The following HMGA2 variants were observed in gnomAD, a reference collection of about 807,000 sequenced individuals.
HMGA2 encodes the protein high mobility group protein HMGI-C.
A neutral mutation model predicts 19.1 loss-of-function variants in HMGA2; 8 were observed. That is an observed-to-expected ratio of 0.42 (90% CI 0.25 to 0.76). HMGA2 has a LOEUF of 0.76. Among genes scored for constraint, HMGA2 ranks in the 30% least tolerant of loss-of-function variants. The pLI, the probability that HMGA2 is intolerant of heterozygous loss-of-function variation, is 0.28. For missense variants in HMGA2, 109 were observed against 136.3 expected, an observed-to-expected ratio of 0.80 and a Z score of 1.00; for synonymous variants, 60 against 48.8, an observed-to-expected ratio of 1.23 and a Z score of -0.96.
At chr12:65,875,758 G>T (rs1328057799) in intron 3 of HMGA2, among the ~76,000 whole-genome samples, 1 of 151,746 alleles carries the variant, frequency 6.6e-6, no homozygotes, top group African/African-American at 2.4e-5. Flanking sequence ...GCCTTGTCTG[G>T]TTTTTTAATA....
At chr12:65,927,949 GTATA>G (rs10581504) in intron 3 of HMGA2, among the ~76,000 whole-genome samples, 26,868 of 146,326 alleles carry the variant, frequency 0.18, 3,911 homozygotes, top group East Asian at 0.75. Flanking sequence ...ATGTATGTGA[GTATA>G]TATATATATA....
At chr12:65,892,110 A>G (rs1873936081) in intron 3 of HMGA2, among the ~76,000 whole-genome samples, 1 of 152,178 alleles carries the variant, frequency 6.6e-6, no homozygotes, top group Non-Finnish European at 1.5e-5. Context: ...TGGCTGGAGG[A>G]CAGAGGCTGC....
At chr12:65,945,859 G>T (rs1201611341) in intron 3 of HMGA2, among the ~76,000 whole-genome samples, 5 of 152,136 alleles carry the variant, frequency 3.3e-5, no homozygotes, top group African/African-American at 9.7e-5. Flanking sequence ...TTGTCTATAT[G>T]GTAGGGATAT....
At chr12:65,923,967 G>GA (rs1235245395) in intron 3 of HMGA2, among the ~76,000 whole-genome samples, 2 of 152,114 alleles carry the variant, frequency 1.3e-5, no homozygotes, top group Non-Finnish European at 2.9e-5. Flanking sequence ...CCAAGAGCAC[G>GA]CCATTGCACT....
At chr12:65,914,935 A>G in intron 3 of HMGA2, 1 of 1,383,890 alleles carries the variant, frequency 7.2e-7, no homozygotes, top group Non-Finnish European at 1.0e-6. Context: ...TTGGCCTCTC[A>G]AAGTGCTGGG....
chr12:65,897,964 CAA>C (rs200954951), intron 3 of HMGA2, among the ~76,000 whole-genome samples: 25 of 111,880 alleles, frequency 2.2e-4, no homozygotes, highest in Admixed American at 1.9e-4. Flanking sequence ...AACTCCATCT[CAA>C]AAAAAAAAAA....
chr12:65,901,814 T>G (rs955737933), intron 3 of HMGA2, among the ~76,000 whole-genome samples: 1 of 152,068 alleles, frequency 6.6e-6, no homozygotes, highest in Non-Finnish European at 1.5e-5. Flanking sequence ...AATTTTCTGT[T>G]GAGTCCTATT....
chr12:65,899,585 T>C (rs1315654480), intron 3 of HMGA2, among the ~76,000 whole-genome samples: 1 of 152,212 alleles, frequency 6.6e-6, no homozygotes, highest in Non-Finnish European at 1.5e-5. Context: ...GGAAAGGAAC[T>C]GGAAACGTTC....
At chr12:65,940,548 T>C (rs1327482393) in intron 3 of HMGA2, among the ~76,000 whole-genome samples, 1 of 152,254 alleles carries the variant, frequency 6.6e-6, no homozygotes, top group African/African-American at 2.4e-5. Context: ...ATTTTTATTA[T>C]GTTTTTAAAA....
intron 3 of HMGA2, chr12:65,881,782 G>C (rs892788473): frequency 2.8e-6 from 2 of 703,072 alleles, no homozygotes; most frequent in Non-Finnish European, 5.2e-6. Flanking sequence ...AAGGAAGCCT[G>C]CTGATCCCGG....
At chr12:65,891,630 G>A (rs566959559) in intron 3 of HMGA2, among the ~76,000 whole-genome samples, 1 of 152,304 alleles carries the variant, frequency 6.6e-6, no homozygotes, top group East Asian at 1.9e-4. Flanking sequence ...TGCCCAAGAT[G>A]GGAGAAGAGC....
intron 3 of HMGA2, among the ~76,000 whole-genome samples, chr12:65,895,647 C>A (rs905605604): frequency 6.6e-6 from 1 of 152,174 alleles, no homozygotes; most frequent in Non-Finnish European, 1.5e-5. Flanking sequence ...TTTCAGCAAA[C>A]AAATACCTCC....
intron 3 of HMGA2, among the ~76,000 whole-genome samples, chr12:65,918,459 T>C (rs1349770818): frequency 6.6e-6 from 1 of 152,246 alleles, no homozygotes; most frequent in Non-Finnish European, 1.5e-5. Flanking sequence ...GAAATAGTTC[T>C]ACAGTTAATC....
intron 3 of HMGA2, among the ~76,000 whole-genome samples, chr12:65,902,228 C>A (rs574725969): frequency 6.6e-6 from 1 of 151,860 alleles, no homozygotes; most frequent in African/African-American, 2.4e-5. Context: ...AGAGAACTGA[C>A]GTGAATTTGT....
chr12:65,866,838 C>A (rs777985473), intron 3 of HMGA2: 1 of 457,296 alleles, frequency 2.2e-6, no homozygotes, highest in African/African-American at 2.0e-5. Flanking sequence ...AGATTGCTTG[C>A]CATTGCCCTC....
At position 65,920,643 on chromosome 12, in the gene HMGA2, G is replaced by A. The variant is rs1485932057; in HGVS notation, c.250-30740G>A. Among the ~76,000 whole-genome samples the A allele has an allele frequency of 3.9e-5, 6 of 152,110 alleles. No homozygotes were observed. The East Asian group carries it at 1.2e-3, about 29-fold the overall frequency. ...TCACAAGATCTGATGGGTTTATCAG[G>A]GGTTTCCACTTTTGCTTCTTCCTCA... On this transcript the variant is annotated intron_variant, in intron 3 of 4. Coordinates refer to ENST00000403681, the MANE Select transcript of HMGA2 (RefSeq NM_003483.6).
intron 3 of HMGA2, among the ~76,000 whole-genome samples, chr12:65,865,788 C>A (rs1199621906): frequency 6.6e-6 from 1 of 151,700 alleles, no homozygotes; most frequent in Non-Finnish European, 1.5e-5. Flanking sequence ...GCACCTGCCA[C>A]CACGCCCGGC....
chr12:65,909,379 T>C (rs1272978239), intron 3 of HMGA2, among the ~76,000 whole-genome samples: 2 of 152,218 alleles, frequency 1.3e-5, no homozygotes, highest in African/African-American at 4.8e-5. Flanking sequence ...TTCTTTTTTT[T>C]TTAATCTCTG....
chr12:65,930,124 C>T (rs934693538), intron 3 of HMGA2, among the ~76,000 whole-genome samples: 1 of 152,188 alleles, frequency 6.6e-6, no homozygotes, highest in Non-Finnish European at 1.5e-5. Context: ...CTTTTAGCAA[C>T]TCCTTTGTTT....
Sources: allele counts gnomAD v4.1 joint callset (sites outside exome capture counted in the v4.1 genomes callset), GRCh38; gene constraint gnomAD v4.1.1; transcripts MANE v1.5; gene names NCBI Gene and HGNC (gene_info 2026-07-23, HGNC 2026-07-21).